Variants in ZEB1 observed in about 807,000 individuals in gnomAD.
The protein encoded by ZEB1 is zinc finger E-box binding homeobox 1.
A neutral mutation model predicts 84.9 loss-of-function variants in ZEB1; 21 were observed. The ratio of observed to expected loss-of-function variants is 0.25; its 90% CI spans 0.18 to 0.36. The LOEUF is 0.36. ZEB1 is among the 10% of genes least tolerant of loss of function. The pLI is 1.00. For synonymous variants in ZEB1, 420 were observed against 471.1 expected, an observed-to-expected ratio of 0.89 and a Z score of 1.41; for missense variants, 1,104 against 1,330.2, an observed-to-expected ratio of 0.83 and a Z score of 2.65.
intron 1 of ZEB1, among the ~76,000 whole-genome samples, chr10:31,412,332 A>G (rs994354672): frequency 1.3e-5 from 2 of 152,196 alleles, no homozygotes; most frequent in African/African-American, 4.8e-5. Context: ...ACATATGTAT[A>G]AATGGCCATG....
chr10:31,410,437 T>C (rs2054021649), intron 1 of ZEB1, among the ~76,000 whole-genome samples: 1 of 152,212 alleles, frequency 6.6e-6, no homozygotes, highest in Admixed American at 6.5e-5. Flanking sequence ...TGCCCCAATG[T>C]TCATCAGGGA....
chr10:31,451,395 G>T (rs2060549039), intron 1 of ZEB1, among the ~76,000 whole-genome samples: 1 of 152,038 alleles, frequency 6.6e-6, no homozygotes, highest in Non-Finnish European at 1.5e-5. Context: ...TGGGCTTTTG[G>T]ACTGATATAT....
In ZEB1 at chr10:31,363,507, A is replaced by G. The variant is rs1413360614; in HGVS notation, c.58+44215A>G. 4.6e-6 allele frequency: 7 copies of G among 1,529,930 alleles called. No homozygotes were observed. The Middle Eastern group carries it at 9.1e-4, about 200-fold the overall frequency. The allele number at this position is 1,529,930 out of a possible 1,614,324, so 94.8% of individuals were successfully genotyped here. A position where few individuals can be genotyped will look rare whatever the true frequency, so the allele number is the denominator to read the frequency against. ...GCCTAGAGGTGGAGGCTGCTTCCCC[A>G]TTGCTACAGGGGCCCCTTTTATTGT... On this transcript the variant is annotated intron_variant, in intron 1 of 8. Transcript: ENST00000424869.
At chr10:31,378,389 A>T (rs1015421656) in intron 1 of ZEB1, among the ~76,000 whole-genome samples, 3 of 151,684 alleles carry the variant, frequency 2.0e-5, no homozygotes, top group Admixed American at 6.6e-5. Context: ...AATTAGAATA[A>T]TTTTTCAGAT....
intron 1 of ZEB1, among the ~76,000 whole-genome samples, chr10:31,352,118 C>T (rs867214524): frequency 2.6e-5 from 4 of 152,054 alleles, no homozygotes; most frequent in Non-Finnish European, 5.9e-5. Context: ...AGACTTTATT[C>T]TGTTACCTAT....
intron 4 of ZEB1, 53 bp downstream of exon 4, chr10:31,502,562 T>C: frequency 6.2e-7 from 1 of 1,610,488 alleles, no homozygotes; most frequent in South Asian, 1.1e-5. Context: ...GATTCTTGTT[T>C]CTACCATTCT....
intron 8 of ZEB1, 125 bp from the exon 9 acceptor site, chr10:31,526,546 TG>T: frequency 8.2e-7 from 1 of 1,223,012 alleles, no homozygotes; most frequent in Non-Finnish European, 1.1e-6. Context: ...GTTTGGGACC[TG>T]GAAATGTTTT....
chr10:31,321,385 A>G, intron 1 of ZEB1: 1 of 1,577,974 alleles, frequency 6.3e-7, no homozygotes, highest in Non-Finnish European at 8.6e-7. Context: ...AACGAAAGGT[A>G]TTTTGGTATT....
rs1291100006 is a variant in ZEB1 at position 31,359,943 on chromosome 10, T to G, written c.58+40651T>G. 2.0e-5 allele frequency among the ~76,000 whole-genome samples: 3 copies of G among 152,188 alleles called. No homozygotes were observed. In the East Asian group the frequency reaches 5.8e-4, roughly 29 times the overall value. On this transcript the variant is annotated intron_variant, in intron 1 of 8. Coordinates refer to ENST00000424869, the MANE Select transcript of ZEB1 (RefSeq NM_001174096.2). ...AGGTATGTCATAGGGCCATTTGTCC[T>G]TTCAAAAATAATTCTCAGTAGCTAT...
intron 1 of ZEB1, among the ~76,000 whole-genome samples, chr10:31,459,620 A>G (rs1397530429): frequency 1.3e-5 from 2 of 152,104 alleles, no homozygotes; most frequent in Non-Finnish European, 2.9e-5. Context: ...ATACTAAAAT[A>G]TTAATGGCAT....
At chr10:31,343,460 C>G (rs1424696810) in intron 1 of ZEB1, among the ~76,000 whole-genome samples, 2 of 152,178 alleles carry the variant, frequency 1.3e-5, no homozygotes, top group African/African-American at 4.8e-5. Context: ...CATTATTTAT[C>G]ATACACATTT....
intron 4 of ZEB1, among the ~76,000 whole-genome samples, chr10:31,507,715 A>G (rs563906188): frequency 3.3e-5 from 5 of 151,944 alleles, no homozygotes; most frequent in African/African-American, 1.2e-4. Flanking sequence ...TAAATTTCTC[A>G]TTCATATCCT....
intron 1 of ZEB1, among the ~76,000 whole-genome samples, chr10:31,333,176 G>T (rs1026074715): frequency 7.9e-5 from 12 of 152,188 alleles, no homozygotes; most frequent in African/African-American, 2.9e-4. Flanking sequence ...AGCATGTGGA[G>T]AGGAAAGCAA....
chr10:31,366,991 A>G (rs2044634921), intron 1 of ZEB1, among the ~76,000 whole-genome samples: 2 of 152,174 alleles, frequency 1.3e-5, no homozygotes, highest in Admixed American at 6.5e-5. Flanking sequence ...TTTGTGTGAA[A>G]TTGCTAGCTA....
chr10:31,321,369 AT>A lies in ZEB1; in HGVS notation c.58+2079del, dbSNP rs1285688904. 2.6e-6 allele frequency: 4 copies of A among 1,540,352 alleles called. No individual in the cohort carries two copies. The East Asian group carries it at 9.1e-5, about 35-fold the overall frequency. The stretch of plus-strand genomic sequence containing the variant: ...ACTTGCATTTTAAAGACGTCTGTTG[AT>A]TATAAACGAAAGGTATTTTGGTATT... On this transcript the variant is annotated intron_variant, in intron 1 of 8. Coordinates refer to ENST00000424869, the MANE Select transcript of ZEB1 (RefSeq NM_001174096.2).
In ZEB1 at chr10:31,319,549, C is replaced by T. The variant is rs567810249; in HGVS notation, c.58+257C>T. ...CTCCGCCTAGCGGCTCCCGCCGCCCCTGCCGCCTCCCTGGACCGTTAGCCG... is the reference window on the plus strand; with the variant it reads ...CTCCGCCTAGCGGCTCCCGCCGCCCTTGCCGCCTCCCTGGACCGTTAGCCG... On this transcript the variant is annotated intron_variant, in intron 1 of 8. Coordinates refer to ENST00000424869, the MANE Select transcript of ZEB1 (RefSeq NM_001174096.2). 3.2e-3 allele frequency: 1,642 copies of T among 520,634 alleles called. 16 individuals are homozygous for T. Among genetic ancestry groups the T allele is most frequent in the African/African-American group, 0.03 (1,461 of 48,206 alleles). The allele number at this position is 520,634 out of a possible 1,614,324, so 32.3% of individuals were successfully genotyped here. A position where few individuals can be genotyped will look rare whatever the true frequency, so the allele number is the denominator to read the frequency against.
chr10:31,499,772 A>G (rs567714146), intron 3 of ZEB1, among the ~76,000 whole-genome samples: 1 of 152,312 alleles, frequency 6.6e-6, no homozygotes, highest in Non-Finnish European at 1.5e-5. Context: ...TCTCAAAAAA[A>G]AAATAGAAAT....
chr10:31,367,394 T>C (rs1055697139), intron 1 of ZEB1, among the ~76,000 whole-genome samples: 29 of 152,306 alleles, frequency 1.9e-4, no homozygotes, highest in African/African-American at 6.7e-4. Context: ...GAGATGCTTA[T>C]GAAGGTGGTG....
chr10:31,385,811 C>G (rs1174475060), intron 1 of ZEB1, among the ~76,000 whole-genome samples: 1 of 152,158 alleles, frequency 6.6e-6, no homozygotes, highest in Non-Finnish European at 1.5e-5. Flanking sequence ...CAGGCATGAG[C>G]CACCACACCT....
Sources: allele counts gnomAD v4.1 joint callset (sites outside exome capture counted in the v4.1 genomes callset), GRCh38; gene constraint gnomAD v4.1.1; transcripts MANE v1.5; gene names NCBI Gene and HGNC (gene_info 2026-07-23, HGNC 2026-07-21).